The following GCNT2 variants were observed in gnomAD, a reference collection of about 807,000 sequenced individuals.
The protein encoded by GCNT2 is N-acetyllactosaminide beta-1,6-N-acetylglucosaminyl-transferase.
In GCNT2, 34 loss-of-function variants were observed where a neutral mutation model predicts 34.2. That is an observed-to-expected ratio of 1.00 (90% CI 0.76 to 1.32). GCNT2 has a LOEUF of 1.32. Ranked by LOEUF, GCNT2 falls within the 40% of genes most tolerant of loss-of-function variation. GCNT2 has a pLI of 0.00. For synonymous variants in GCNT2, 212 were observed against 188.0 expected (o/e 1.13, Z -1.04); for missense variants, 584 against 489.4 (o/e 1.19, Z -1.82).
chr6:10,549,223 T>C (rs1411067370), intron 3 of GCNT2, among the ~76,000 whole-genome samples: 1 of 152,168 alleles, frequency 6.6e-6, no homozygotes, highest in Non-Finnish European at 1.5e-5. Flanking sequence ...AAAATGCCAA[T>C]AGTGCCCACG....
At chr6:10,540,719 G>A (rs1404505413) in intron 3 of GCNT2, among the ~76,000 whole-genome samples, 2 of 152,140 alleles carry the variant, frequency 1.3e-5, no homozygotes, top group Admixed American at 6.5e-5. Flanking sequence ...CTCTACAAGT[G>A]GAGAAAATTC....
chr6:10,538,210 C>G (rs1356132355), intron 3 of GCNT2, among the ~76,000 whole-genome samples: 1 of 151,456 alleles, frequency 6.6e-6, no homozygotes, highest in Non-Finnish European at 1.5e-5. Flanking sequence ...CAGTTCGAGA[C>G]CAGCCTGGCC....
chr6:10,595,012 AT>A (rs1403125141), intron 3 of GCNT2, among the ~76,000 whole-genome samples: 2 of 152,016 alleles, frequency 1.3e-5, no homozygotes, highest in African/African-American at 4.8e-5. Flanking sequence ...TGCCCTGCTA[AT>A]TTTTAATTTC....
intron 1 of GCNT2, among the ~76,000 whole-genome samples, chr6:10,526,853 C>CG (rs1399609508): frequency 6.6e-6 from 1 of 152,170 alleles, no homozygotes; most frequent in Non-Finnish European, 1.5e-5. Context: ...CAGTGGCTCA[C>CG]AGCTGTCATC....
chr6:10,523,983 A>AC lies in GCNT2; in HGVS notation c.-469+2566_-469+2567insC, dbSNP rs1163263140. ...GCGAGACTCTGTCTCAAAAAAAAAA[A>AC]AAAAAAAAAACCAAGACTAAGAGGT... is the stretch of plus-strand genomic sequence containing the variant. On this transcript the variant is annotated intron_variant, in intron 1 of 4. Coordinates refer to ENST00000495262, the MANE Select transcript of GCNT2 (RefSeq NM_145649.5). Among the ~76,000 whole-genome samples, 5 of 150,766 alleles carry AC rather than the reference A, an allele frequency of 3.3e-5. 1 individual carries two copies. Among genetic ancestry groups the AC allele is most frequent in the East Asian group, 3.9e-4 (2 of 5,120 alleles).
Position 10,586,602 on chromosome 6 carries a change from C to G in GCNT2, c.926-34749C>G, listed in dbSNP as rs370235645. ...CCTGAAAACCAACCGGGAGATAGTTCAGCATCTGAAAGGATTTAAAGGGAA... is the reference window on the plus strand; with the variant it reads ...CCTGAAAACCAACCGGGAGATAGTTGAGCATCTGAAAGGATTTAAAGGGAA... On this transcript the variant is annotated intron_variant, in intron 3 of 4. Transcript: ENST00000495262. The G allele has an allele frequency of 1.9e-6, 3 of 1,614,044 alleles. No homozygotes were observed. In the African/African-American group the frequency reaches 4.0e-5, roughly 22 times the overall value.
In GCNT2 at chr6:10,627,633, A is replaced by G. The variant is rs915874519; in HGVS notation, c.*1026A>G. 55 of 149,520 alleles carry G rather than the reference A, an allele frequency of 3.7e-4. No individual in the cohort carries two copies. Among genetic ancestry groups the G allele is most frequent in the Admixed American group, 3.3e-3 (50 of 15,072 alleles). 9.3% of individuals were successfully genotyped at this position (149,520 alleles called of 1,614,324 possible). ...CATCCGTTCATTCATTCAGCCTTCA[A>G]TCAACATCTCTTGAGTGTCTATTAT... On this transcript the variant is annotated 3_prime_UTR_variant, in exon 5 of 5. Coordinates refer to ENST00000495262, the MANE Select transcript of GCNT2 (RefSeq NM_145649.5).
intron 3 of GCNT2, among the ~76,000 whole-genome samples, chr6:10,572,804 A>G (rs184611234): frequency 2.6e-5 from 4 of 152,356 alleles, no homozygotes; most frequent in East Asian, 1.9e-4. Context: ...ACTTAAAACT[A>G]CGTTACCCAG....
Position 10,529,792 on chromosome 6 carries a change from A to G in GCNT2, c.881A>G (p.Tyr294Cys). Residue 294 changes from tyrosine to cysteine, a missense_variant, in exon 3 of 5, where the codon TAC becomes TGC. Transcript: ENST00000495262. ...TTACTCTCCTGGTCCAAGGACACCT[A>G]CAGCCCCGACGAACATTTCTGGGTG... The part of the protein sequence containing the change: ...LDLLSWSKDT[Y>C]SPDEHFWVTL... 2 of 1,614,142 alleles carry G rather than the reference A, an allele frequency of 1.2e-6. No individual in the cohort carries two copies.
intron 3 of GCNT2, among the ~76,000 whole-genome samples, chr6:10,615,961 C>T (rs950354721): frequency 6.6e-6 from 1 of 152,188 alleles, no homozygotes; most frequent in Non-Finnish European, 1.5e-5. Flanking sequence ...GTATTTTGTG[C>T]TGACTCCTGT....
intron 3 of GCNT2, among the ~76,000 whole-genome samples, chr6:10,540,652 T>G (rs1762000007): frequency 6.6e-6 from 1 of 152,130 alleles, no homozygotes; most frequent in Non-Finnish European, 1.5e-5. Flanking sequence ...CCAATATCAC[T>G]TTGCATGAGG....
At chr6:10,586,591 G>A (rs776266980) in intron 3 of GCNT2, 16 of 1,613,942 alleles carry the variant, frequency 9.9e-6, no homozygotes, top group Admixed American at 5.0e-5. Context: ...AAAACCAACC[G>A]GGAGATAGTT....
At position 10,528,717 on chromosome 6, in the gene GCNT2, AC is replaced by A; in HGVS notation, c.-193del. ...TGTGTCACAGAAAAGTGAAAATGCA[AC>A]CTAGTGGTAAGTGAAGAGGGGAAGA... On this transcript the variant is annotated 5_prime_UTR_variant, in exon 3 of 5. An upstream open reading frame in the 5' UTR loses its in-frame stop. Transcript: ENST00000495262. The A allele has an allele frequency of 1.6e-6, 1 of 619,948 alleles. No homozygotes were observed. The highest frequency in any genetic ancestry group is 2.9e-6 in the Non-Finnish European group (1 of 350,608). 38.4% of individuals were successfully genotyped at this position (619,948 alleles called of 1,614,324 possible). A position where few individuals can be genotyped will look rare whatever the true frequency, so the allele number is the denominator to read the frequency against.
chr6:10,529,185 GAGGC>G lies in GCNT2; in HGVS notation c.275_278del (p.Glu92ValfsTer5). ...TGTAACAGAAACACTCTCTGAAGAA[GAGGC>G]TGGGTTCCCTTTAGCTTACACAGTG... is the stretch of plus-strand genomic sequence containing the variant. On this transcript the variant is annotated frameshift_variant, in exon 3 of 5. Transcript: ENST00000495262. LOFTEE classifies it high-confidence loss of function. The G allele has an allele frequency of 1.2e-6, 2 of 1,614,176 alleles. No homozygotes were observed. Among genetic ancestry groups the G allele is most frequent in the Non-Finnish European group, 1.7e-6 (2 of 1,180,026 alleles).
chr6:10,581,733 G>C (rs532187530), intron 3 of GCNT2: 2 of 984,932 alleles, frequency 2.0e-6, no homozygotes, highest in African/African-American at 3.5e-5. Context: ...GAGGCAAAGA[G>C]AAGGGAAAAA....
chr6:10,627,451 T>A lies in GCNT2; in HGVS notation c.*844T>A, dbSNP rs1766308660. The A allele has an allele frequency of 6.6e-6, 1 of 152,292 alleles. No homozygotes were observed. Among genetic ancestry groups the A allele is most frequent in the South Asian group, 2.1e-4 (1 of 4,840 alleles). The allele number at this position is 152,292 out of a possible 1,614,324, so 9.4% of individuals were successfully genotyped here. On this transcript the variant is annotated 3_prime_UTR_variant, in exon 5 of 5. Transcript: ENST00000495262. ...CCCTCTCTCCCCAGTATTATCTTAC[T>A]TGCAAAATGGAGACCAAATTCTATC...
chr6:10,611,335 T>C (rs936557772), intron 3 of GCNT2, among the ~76,000 whole-genome samples: 4 of 25,274 alleles, frequency 1.6e-4, no homozygotes, highest in Admixed American at 1.1e-3. Context: ...TCTTTCTTTC[T>C]TTTTTTTTTT....
rs186828591 is a variant in GCNT2 at position 10,541,186 on chromosome 6, G to A, written c.925+11350G>A. Reference sequence around the variant, plus strand: ...TTCCCTCTGCCAACGCCCCCCACCAGCCCCAGTATGTGTTGTTCCCTTGCA... The same window carrying A: ...TTCCCTCTGCCAACGCCCCCCACCAACCCCAGTATGTGTTGTTCCCTTGCA... On this transcript the variant is annotated intron_variant, in intron 3 of 4. Transcript: ENST00000495262. Among the ~76,000 whole-genome samples the A allele has an allele frequency of 9.7e-3, 1,471 of 152,086 alleles. 17 individuals are homozygous for A. The highest frequency in any genetic ancestry group is 0.021 in the South Asian group (101 of 4,804).
chr6:10,585,811 G>A, intron 3 of GCNT2: 1 of 1,448,564 alleles, frequency 6.9e-7, no homozygotes, highest in Non-Finnish European at 9.0e-7. Flanking sequence ...CATCCAAAAA[G>A]GATGGACGAG....
Sources: gnomAD v4.1 joint callset for allele counts (sites outside exome capture counted in the v4.1 genomes callset) on GRCh38, gnomAD v4.1.1 for gene constraint, MANE v1.5 for transcripts, NCBI Gene and HGNC (gene_info 2026-07-23, HGNC 2026-07-21) for gene names.